The following EYS variants were observed in gnomAD, a reference collection of about 807,000 sequenced individuals.
EYS encodes the protein EGF-like photoreceptor maintenance factor, also known as protein eyes shut homolog.
EYS carries 250 observed loss-of-function variants against 282.1 expected under a neutral mutation model. The observed-to-expected ratio is 0.89, with a 90% CI of 0.80 to 0.98. The LOEUF (loss-of-function observed/expected upper bound fraction) is 0.98. Among genes scored for constraint, EYS ranks in the 50% least tolerant of loss-of-function variants. EYS has a pLI of 0.00. For missense variants in EYS, 4,016 were observed against 3,709.0 expected (o/e 1.08, Z -2.15); for synonymous variants, 1,355 against 1,282.9 (o/e 1.06, Z -1.20).
chr6:63,783,603 T>C (rs1674751086), intron 39 of EYS, among the ~76,000 whole-genome samples: 1 of 152,130 alleles, frequency 6.6e-6, no homozygotes, highest in Admixed American at 6.5e-5. Flanking sequence ...AGGTATGAAA[T>C]GCTAAGTGGG....
chr6:65,213,631 C>A (rs962653764), intron 12 of EYS, among the ~76,000 whole-genome samples: 3 of 152,166 alleles, frequency 2.0e-5, no homozygotes, highest in African/African-American at 4.8e-5. Context: ...CAAACTACAA[C>A]CACATAAGTC....
At chr6:65,093,183 T>C (rs973046714) in intron 12 of EYS, among the ~76,000 whole-genome samples, 2 of 151,974 alleles carry the variant, frequency 1.3e-5, no homozygotes, top group African/African-American at 4.8e-5. Flanking sequence ...ACCATGAATA[T>C]TATCCCCAGT....
At chr6:65,506,980 A>G (rs1355178317) in intron 2 of EYS, among the ~76,000 whole-genome samples, 2 of 152,174 alleles carry the variant, frequency 1.3e-5, no homozygotes, top group Non-Finnish European at 2.9e-5. Context: ...TTCTATAACT[A>G]TTAATAAGGA....
chr6:64,111,793 C>A (rs76286930), intron 31 of EYS, among the ~76,000 whole-genome samples: 7,043 of 151,950 alleles, frequency 0.046, 384 homozygotes, highest in African/African-American at 0.13. Context: ...GATTTAAATT[C>A]TGGTTGAAAG....
chr6:65,467,581 T>C (rs976472286), intron 5 of EYS, among the ~76,000 whole-genome samples: 2 of 151,968 alleles, frequency 1.3e-5, no homozygotes, highest in Admixed American at 6.6e-5. Context: ...ATAATGAAGA[T>C]TTAAAAATCT....
chr6:65,593,649 A>T (rs1765306851), intron 2 of EYS, among the ~76,000 whole-genome samples: 1 of 151,900 alleles, frequency 6.6e-6, no homozygotes, highest in African/African-American at 2.4e-5. Flanking sequence ...CTATTCTTAA[A>T]ATTCAATTTT....
chr6:64,420,905 G>C (rs568870182), intron 28 of EYS, among the ~76,000 whole-genome samples: 32 of 152,058 alleles, frequency 2.1e-4, no homozygotes, highest in Non-Finnish European at 4.1e-4. Flanking sequence ...AAGTCTCTAG[G>C]AAGTTCCAAA....
intron 29 of EYS, among the ~76,000 whole-genome samples, chr6:64,318,828 T>C (rs577305700): frequency 6.6e-6 from 1 of 152,000 alleles, no homozygotes; most frequent in Non-Finnish European, 1.5e-5. Flanking sequence ...GATATTTTGA[T>C]ACAGACTTAC....
At chr6:64,759,959 A>C (rs911388775) in intron 22 of EYS, among the ~76,000 whole-genome samples, 11 of 152,190 alleles carry the variant, frequency 7.2e-5, no homozygotes, top group African/African-American at 2.4e-4. Flanking sequence ...TATTTGAGGC[A>C]AAAAAATGTT....
At chr6:64,082,161 A>G (rs1479450935) in intron 31 of EYS, among the ~76,000 whole-genome samples, 159 bp from the exon 32 acceptor site, 1 of 152,156 alleles carries the variant, frequency 6.6e-6, no homozygotes, top group Non-Finnish European at 1.5e-5. Context: ...AAGTGTAATA[A>G]ATTTATATTT....
chr6:64,516,051 A>G (rs1487558521), intron 26 of EYS, among the ~76,000 whole-genome samples: 1 of 151,792 alleles, frequency 6.6e-6, no homozygotes, highest in Non-Finnish European at 1.5e-5. Flanking sequence ...AACATTCTGA[A>G]TTTATACTTT....
chr6:63,819,895 A>G (rs1771277302), intron 36 of EYS, among the ~76,000 whole-genome samples: 1 of 152,140 alleles, frequency 6.6e-6, no homozygotes, highest in African/African-American at 2.4e-5. Context: ...CACTAGGCTG[A>G]CTAGTCCCCC....
chr6:64,642,889 A>C (rs567733193), intron 22 of EYS, among the ~76,000 whole-genome samples: 1 of 152,242 alleles, frequency 6.6e-6, no homozygotes, highest in Non-Finnish European at 1.5e-5. Flanking sequence ...GCTGAGGCGG[A>C]CAGATGACCT....
At chr6:64,650,518 G>T (rs1022117684) in intron 22 of EYS, among the ~76,000 whole-genome samples, 2 of 151,980 alleles carry the variant, frequency 1.3e-5, no homozygotes, top group African/African-American at 4.8e-5. Flanking sequence ...AGATTCATAG[G>T]AGAATTTAAC....
intron 33 of EYS, among the ~76,000 whole-genome samples, chr6:64,060,353 C>T (rs1771123581): frequency 6.6e-6 from 1 of 151,974 alleles, no homozygotes; most frequent in African/African-American, 2.4e-5. Context: ...TAGGTCAATA[C>T]CATCTGGTCA....
At chr6:65,248,010 T>A (rs1208973376) in intron 12 of EYS, among the ~76,000 whole-genome samples, 2 of 152,046 alleles carry the variant, frequency 1.3e-5, no homozygotes, top group Admixed American at 6.6e-5. Flanking sequence ...AGATTGCTTA[T>A]AATTTCCCCT....
intron 28 of EYS, among the ~76,000 whole-genome samples, chr6:64,390,528 G>A (rs1446555891): frequency 6.6e-6 from 1 of 151,210 alleles, no homozygotes; most frequent in Non-Finnish European, 1.5e-5. Flanking sequence ...ACACCTCACA[G>A]GGCAGGGTAT....
At chr6:64,584,818 T>G (rs1179233183) in intron 26 of EYS, among the ~76,000 whole-genome samples, 1 of 152,136 alleles carries the variant, frequency 6.6e-6, no homozygotes, top group Non-Finnish European at 1.5e-5. Flanking sequence ...AAGATCATTT[T>G]TTGGCTTAGA....
intron 12 of EYS, among the ~76,000 whole-genome samples, chr6:65,253,890 C>T (rs927822847): frequency 4.0e-5 from 6 of 148,418 alleles, no homozygotes; most frequent in Non-Finnish European, 8.9e-5. Flanking sequence ...TCAGGCATTT[C>T]CCCCAATACA....
Sources: allele counts gnomAD v4.1 joint callset (sites outside exome capture counted in the v4.1 genomes callset), GRCh38; gene constraint gnomAD v4.1.1; transcripts MANE v1.5; gene names NCBI Gene and HGNC (gene_info 2026-07-23, HGNC 2026-07-21).